Variants in SORCS3 observed in about 807,000 individuals in gnomAD.
The protein encoded by SORCS3 is VPS10 domain-containing receptor SorCS3.
A neutral mutation model predicts 146.3 loss-of-function variants in SORCS3; 57 were observed. The ratio of observed to expected loss-of-function variants is 0.39; its 90% CI spans 0.31 to 0.49. The LOEUF is 0.49. Among genes scored for constraint, SORCS3 ranks in the 20% least tolerant of loss-of-function variants. The probability of loss-of-function intolerance (pLI) is 0.92; values close to 1 mark genes in which losing one functional copy is unlikely to be tolerated. For missense variants in SORCS3, 1,341 were observed against 1,575.5 expected, an observed-to-expected ratio of 0.85 and a Z score of 2.52; for synonymous variants, 653 against 618.5, an observed-to-expected ratio of 1.06 and a Z score of -0.83.
chr10:104,913,163 T>C (rs2133598177), intron 2 of SORCS3, among the ~76,000 whole-genome samples: 1 of 152,244 alleles, frequency 6.6e-6, no homozygotes, highest in East Asian at 1.9e-4. Flanking sequence ...ATTGGGCAAT[T>C]ACTACCAAGG....
At chr10:104,695,785 C>T (rs1589460882) in intron 1 of SORCS3, among the ~76,000 whole-genome samples, 1 of 151,590 alleles carries the variant, frequency 6.6e-6, no homozygotes, top group East Asian at 1.9e-4. Context: ...AGATCGACTT[C>T]ATCCTTTTTA....
At chr10:104,743,498 A>C (rs1315761303) in intron 1 of SORCS3, among the ~76,000 whole-genome samples, 1 of 152,156 alleles carries the variant, frequency 6.6e-6, no homozygotes, top group Non-Finnish European at 1.5e-5. Flanking sequence ...GGCCAAGTTT[A>C]ATGCGTTCCT....
intron 1 of SORCS3, among the ~76,000 whole-genome samples, chr10:104,833,611 G>A (rs529467197): frequency 1.3e-5 from 2 of 152,054 alleles, no homozygotes; most frequent in South Asian, 2.1e-4. Context: ...TGCCAATTTC[G>A]AGAGGTCCAA....
intron 4 of SORCS3, among the ~76,000 whole-genome samples, chr10:105,002,900 T>C (rs765577243): frequency 1.3e-5 from 2 of 152,196 alleles, no homozygotes; most frequent in Non-Finnish European, 2.9e-5. Flanking sequence ...TCATATAGAG[T>C]ACTCGCTGTG....
chr10:104,661,720 C>G (rs1306955261), intron 1 of SORCS3, among the ~76,000 whole-genome samples: 3 of 151,952 alleles, frequency 2.0e-5, no homozygotes, highest in Non-Finnish European at 4.4e-5. Flanking sequence ...TAGATAGATA[C>G]ATATCATCCT....
chr10:104,736,088 T>G (rs1466113238), intron 1 of SORCS3, among the ~76,000 whole-genome samples: 1 of 152,222 alleles, frequency 6.6e-6, no homozygotes, highest in Admixed American at 6.5e-5. Context: ...ATACAAGGGC[T>G]GCCCAGGAAT....
intron 2 of SORCS3, among the ~76,000 whole-genome samples, chr10:104,881,392 G>A (rs550467059): frequency 1.4e-4 from 21 of 152,270 alleles, no homozygotes; most frequent in African/African-American, 4.1e-4. Flanking sequence ...AAAAAGTTGG[G>A]AAAGAAGCCC....
chr10:105,162,324 C>A (rs1002297048), intron 11 of SORCS3, among the ~76,000 whole-genome samples: 1 of 152,056 alleles, frequency 6.6e-6, no homozygotes. Context: ...ATCTCACTCT[C>A]CCTCCTCTCT....
chr10:104,926,543 C>G (rs529639805), intron 3 of SORCS3, among the ~76,000 whole-genome samples: 1 of 152,142 alleles, frequency 6.6e-6, no homozygotes, highest in African/African-American at 2.4e-5. Context: ...TCCTTGCACC[C>G]CAAAAGGGAA....
At chr10:104,951,655 C>A (rs1429681786) in intron 3 of SORCS3, among the ~76,000 whole-genome samples, 1 of 152,120 alleles carries the variant, frequency 6.6e-6, no homozygotes, top group African/African-American at 2.4e-5. Context: ...ACAAACCAAC[C>A]TGTTAGGATT....
At chr10:104,817,206 G>C (rs1353916115) in intron 1 of SORCS3, among the ~76,000 whole-genome samples, 1 of 152,156 alleles carries the variant, frequency 6.6e-6, no homozygotes, top group Non-Finnish European at 1.5e-5. Flanking sequence ...TAGGGCCCAT[G>C]GATTTCCTTT....
At chr10:104,858,938 T>TA (rs3976791) in intron 2 of SORCS3, among the ~76,000 whole-genome samples, 14,700 of 138,458 alleles carry the variant, frequency 0.11, 920 homozygotes, top group Middle Eastern at 0.15. Flanking sequence ...TGTACATTTA[T>TA]AAAAAAAAAA....
intron 1 of SORCS3, among the ~76,000 whole-genome samples, chr10:104,681,282 G>A (rs2015970955): frequency 6.6e-6 from 1 of 152,174 alleles, no homozygotes; most frequent in Non-Finnish European, 1.5e-5. Context: ...CAGTGCCGCA[G>A]GCTTCCTGGC....
chr10:105,245,644 A>G lies in SORCS3; in HGVS notation c.2971A>G (p.Thr991Ala). The G allele has an allele frequency of 1.2e-6, 2 of 1,614,096 alleles. No individual in the cohort carries two copies. Among genetic ancestry groups the G allele is most frequent in the Non-Finnish European group, 1.7e-6 (2 of 1,179,990 alleles). Residue 991 changes from threonine (T) to alanine (A), a missense_variant, in exon 21 of 27, where the codon ACA (threonine) becomes GCA (alanine). Thr to Ala is a moderately conservative substitution (Grantham distance 58). Transcript: ENST00000369701. ...TGCTGGGAATGCCCTCATCCAGGACACAAAAGAGATTGCAGTTCATGGTAA... is the reference window on the plus strand; with the variant it reads ...TGCTGGGAATGCCCTCATCCAGGACGCAAAAGAGATTGCAGTTCATGGTAA... ...VAAGNALIQD[T>A]KEIAVHEYFQ...
rs1313715512 is a variant in SORCS3 at position 104,641,372 on chromosome 10, G to T, written c.45G>T (p.Ala15=). The T allele has an allele frequency of 1.4e-6, 2 of 1,418,696 alleles. No individual in the cohort carries two copies. The highest frequency in any genetic ancestry group is 9.2e-7 in the Non-Finnish European group (1 of 1,089,512). The allele number at this position is 1,418,696 out of a possible 1,614,324, so 87.9% of individuals were successfully genotyped here. A position where few individuals can be genotyped will look rare whatever the true frequency, so the allele number is the denominator to read the frequency against. The change falls in exon 1 of 27, where the codon GCG becomes GCT. Residue 15 remains alanine (A), a synonymous_variant. Transcript: ENST00000369701. The surrounding 1 kb of genome is among the most constrained non-coding windows in gnomAD (Gnocchi z 6.4). ...RTERPAGRPG[A]PLVRTGLLLL... is the part of the protein sequence containing the mutation. ...AGCGCCCCGCAGGCAGGCCGGGGGC[G>T]CCGCTTGTCCGGACGGGGCTCCTAC...
chr10:104,829,770 G>A (rs972060962), intron 1 of SORCS3, among the ~76,000 whole-genome samples: 1 of 152,106 alleles, frequency 6.6e-6, no homozygotes, highest in Non-Finnish European at 1.5e-5. Context: ...CAGGGATCTG[G>A]TCACCCTCTT....
At chr10:105,192,385 C>T (rs1175482126) in intron 14 of SORCS3, among the ~76,000 whole-genome samples, 2 of 152,054 alleles carry the variant, frequency 1.3e-5, no homozygotes, top group Non-Finnish European at 2.9e-5. Context: ...GCCTGCGTCT[C>T]TTGATGCAGA....
rs781707045 is a variant in SORCS3, at chr10:104,977,474, C to T, written c.935C>T (p.Ala312Val). 8 of 1,609,488 alleles carry T rather than the reference C, an allele frequency of 5.0e-6. No homozygotes were observed. Among genetic ancestry groups the T allele is most frequent in the Non-Finnish European group, 6.8e-6 (8 of 1,178,532 alleles). ...FHPKQEDWVLAYSLDQKLYSS... is the reference protein window; with the variant it reads ...FHPKQEDWVLVYSLDQKLYSS... Reference sequence around the variant, plus strand: ...CCCAAGCAAGAGGACTGGGTGCTGGCCTACAGTTTGGATCAAAAGGTGAAT... The same window carrying T: ...CCCAAGCAAGAGGACTGGGTGCTGGTCTACAGTTTGGATCAAAAGGTGAAT... Residue 312 changes from alanine (A) to valine (V), a missense_variant, in exon 4 of 27, where the codon GCC (alanine) becomes GTC (valine). By Grantham distance (64) the Ala-to-Val change is moderately conservative. Coordinates refer to ENST00000369701, the MANE Select transcript of SORCS3 (RefSeq NM_014978.3).
At chr10:104,828,304 G>A (rs2017960934) in intron 1 of SORCS3, among the ~76,000 whole-genome samples, 1 of 152,132 alleles carries the variant, frequency 6.6e-6, no homozygotes, top group Non-Finnish European at 1.5e-5. Context: ...CCATTGTAGG[G>A]TTGATATTTG....
Sources: gnomAD v4.1 joint callset for allele counts (sites outside exome capture counted in the v4.1 genomes callset) on GRCh38, gnomAD v4.1.1 for gene constraint, Gnocchi (gnomAD v3.1) non-coding constraint, MANE v1.5 for transcripts, NCBI Gene and HGNC (gene_info 2026-07-23, HGNC 2026-07-21) for gene names.